The following HS6ST3 variants were observed in gnomAD, a reference collection of about 807,000 sequenced individuals.
HS6ST3 encodes heparan-sulfate 6-O-sulfotransferase 3.
A neutral mutation model predicts 36.7 loss-of-function variants in HS6ST3; 12 were observed. The ratio of observed to expected loss-of-function variants is 0.33; its 90% confidence interval spans 0.21 to 0.53. The LOEUF (loss-of-function observed/expected upper bound fraction) is 0.53. HS6ST3 is among the 20% of genes least tolerant of loss of function. HS6ST3 has a pLI of 0.95. For missense variants in HS6ST3, 584 were observed against 640.9 expected, an observed-to-expected ratio of 0.91 and a Z score of 0.96; for synonymous variants, 240 against 257.5, an observed-to-expected ratio of 0.93 and a Z score of 0.65.
At chr13:96,448,737 C>T (rs1268934206) in intron 1 of HS6ST3, among the ~76,000 whole-genome samples, 2 of 152,172 alleles carry the variant, frequency 1.3e-5, no homozygotes, top group South Asian at 2.1e-4. Context: ...TACCTAATGT[C>T]TCTCTAACAA....
intron 1 of HS6ST3, among the ~76,000 whole-genome samples, chr13:96,768,875 A>G (rs1035270172): frequency 6.6e-6 from 1 of 152,014 alleles, no homozygotes; most frequent in Non-Finnish European, 1.5e-5. Flanking sequence ...AAACTTTACC[A>G]AGGAGAAAAC....
At chr13:96,201,144 G>A (rs540172769) in intron 1 of HS6ST3, among the ~76,000 whole-genome samples, 6 of 152,090 alleles carry the variant, frequency 3.9e-5, no homozygotes, top group Non-Finnish European at 8.8e-5. Flanking sequence ...CTGAGCTCTG[G>A]CATGTCTCAG....
chr13:96,588,050 T>C (rs931185755), intron 1 of HS6ST3, among the ~76,000 whole-genome samples: 1 of 152,198 alleles, frequency 6.6e-6, no homozygotes, highest in Non-Finnish European at 1.5e-5. Context: ...CTTTTTTAGA[T>C]AGTTTGCTCT....
chr13:96,123,206 T>G (rs1057189782), intron 1 of HS6ST3, among the ~76,000 whole-genome samples: 1 of 152,228 alleles, frequency 6.6e-6, no homozygotes, highest in Non-Finnish European at 1.5e-5. Context: ...CTATGAATTT[T>G]GCCTCTTCTC....
At chr13:96,282,396 C>T (rs552135188) in intron 1 of HS6ST3, among the ~76,000 whole-genome samples, 5 of 152,176 alleles carry the variant, frequency 3.3e-5, no homozygotes, top group Non-Finnish European at 5.9e-5. Flanking sequence ...GAAGTAGGTG[C>T]GGAGCAGACA....
intron 1 of HS6ST3, among the ~76,000 whole-genome samples, chr13:96,648,654 C>G (rs1425360818): frequency 6.6e-6 from 1 of 151,922 alleles, no homozygotes; most frequent in Non-Finnish European, 1.5e-5. Context: ...CCTCCCTCTC[C>G]CATGCCCCCA....
chr13:96,623,315 C>G (rs547043793), intron 1 of HS6ST3, among the ~76,000 whole-genome samples: 1 of 152,138 alleles, frequency 6.6e-6, no homozygotes, highest in Non-Finnish European at 1.5e-5. Flanking sequence ...GTATATCTCC[C>G]TGTGCTGGGG....
chr13:96,259,141 T>G (rs1450488580), intron 1 of HS6ST3, among the ~76,000 whole-genome samples: 1 of 151,996 alleles, frequency 6.6e-6, no homozygotes, highest in Non-Finnish European at 1.5e-5. Context: ...AGTGTGTGTG[T>G]GTGTATGTGT....
intron 1 of HS6ST3, among the ~76,000 whole-genome samples, chr13:96,682,906 A>G (rs955540458): frequency 6.6e-6 from 1 of 152,084 alleles, no homozygotes; most frequent in Non-Finnish European, 1.5e-5. Context: ...GCAACTTTAT[A>G]TGCTCCCATT....
intron 1 of HS6ST3, among the ~76,000 whole-genome samples, chr13:96,829,429 G>T (rs559023410): frequency 6.6e-6 from 1 of 151,994 alleles, no homozygotes; most frequent in African/African-American, 2.4e-5. Flanking sequence ...TCATCACCCA[G>T]GTATTAAGCC....
intron 1 of HS6ST3, among the ~76,000 whole-genome samples, chr13:96,119,938 C>T (rs1383418745): frequency 6.6e-6 from 1 of 151,634 alleles, no homozygotes; most frequent in African/African-American, 2.4e-5. Context: ...AATTGTGTCC[C>T]CTCTTCCAGA....
intron 1 of HS6ST3, among the ~76,000 whole-genome samples, chr13:96,337,450 G>A (rs1325389609): frequency 6.6e-6 from 1 of 152,158 alleles, no homozygotes; most frequent in Non-Finnish European, 1.5e-5. Context: ...ACCCTGAGAA[G>A]GGTTCGTGGG....
intron 1 of HS6ST3, among the ~76,000 whole-genome samples, chr13:96,698,380 A>AT (rs1875190593): frequency 6.6e-6 from 1 of 152,094 alleles, no homozygotes; most frequent in African/African-American, 2.4e-5. Context: ...TGAACTCATC[A>AT]TTTTTTATGA....
chr13:96,752,032 A>G (rs921669932), intron 1 of HS6ST3, among the ~76,000 whole-genome samples: 4 of 152,102 alleles, frequency 2.6e-5, no homozygotes, highest in Non-Finnish European at 5.9e-5. Flanking sequence ...GTGCTCCTGT[A>G]TATCCTTCCA....
chr13:96,444,128 C>T (rs1359366621), intron 1 of HS6ST3, among the ~76,000 whole-genome samples: 1 of 152,126 alleles, frequency 6.6e-6, no homozygotes, highest in Non-Finnish European at 1.5e-5. Context: ...GTGAAGCAGG[C>T]AACTCTTCTT....
intron 1 of HS6ST3, among the ~76,000 whole-genome samples, chr13:96,273,257 A>C (rs1186094973): frequency 6.6e-6 from 1 of 151,954 alleles, no homozygotes; most frequent in Non-Finnish European, 1.5e-5. Context: ...CCAATGAATC[A>C]TTGATAAAAA....
chr13:96,395,499 C>T (rs561186027), intron 1 of HS6ST3, among the ~76,000 whole-genome samples: 4 of 152,274 alleles, frequency 2.6e-5, no homozygotes, highest in South Asian at 2.1e-4. Context: ...CCCATCCATC[C>T]GTTTTTTTCC....
At chr13:96,201,792 A>G (rs2054343289) in intron 1 of HS6ST3, among the ~76,000 whole-genome samples, 1 of 152,158 alleles carries the variant, frequency 6.6e-6, no homozygotes, top group African/African-American at 2.4e-5. Flanking sequence ...GTTTCATTAC[A>G]TTTTTCAATA....
intron 1 of HS6ST3, among the ~76,000 whole-genome samples, chr13:96,300,580 A>C (rs2054877384): frequency 6.6e-6 from 1 of 152,164 alleles, no homozygotes; most frequent in Non-Finnish European, 1.5e-5. Context: ...AGTAGAAGAG[A>C]ATATTCTTTC....
Sources: gnomAD v4.1 joint callset for allele counts (sites outside exome capture counted in the v4.1 genomes callset) on GRCh38, gnomAD v4.1.1 for gene constraint, MANE v1.5 for transcripts, NCBI Gene and HGNC (gene_info 2026-07-23, HGNC 2026-07-21) for gene names.